Variants in SH3PXD2B observed in about 807,000 individuals in gnomAD.
SH3PXD2B encodes SH3 and PX domains 2B, also known as SH3 and PX domain-containing protein 2B.
Under a neutral mutation model 73.1 loss-of-function variants are expected in SH3PXD2B, and 37 were observed. That is an observed-to-expected ratio of 0.51 (90% CI 0.39 to 0.67). The LOEUF (loss-of-function observed/expected upper bound fraction) is 0.67, where lower values mean the gene tolerates loss of function less well. SH3PXD2B is among the 30% of genes least tolerant of loss of function. The pLI is 0.00. For missense variants in SH3PXD2B, 1,053 were observed against 1,197.8 expected, an observed-to-expected ratio of 0.88 and a Z score of 1.78; for synonymous variants, 457 against 480.5, an observed-to-expected ratio of 0.95 and a Z score of 0.64.
At chr5:172,441,958 C>G (rs1759559723) in intron 1 of SH3PXD2B, among the ~76,000 whole-genome samples, 1 of 152,158 alleles carries the variant, frequency 6.6e-6, no homozygotes, top group African/African-American at 2.4e-5. Context: ...GAGACTAATC[C>G]CTGCCCCTGT....
Position 172,338,614 on chromosome 5 carries a change from T to G in SH3PXD2B, c.2491A>C (p.Lys831Gln). Reference sequence around the variant, plus strand: ...GCTTTCTCCCTGTTTTCTCCAATCTTGCCGGTCCCCCATGGCCCCAGGCTG... The same window carrying G: ...GCTTTCTCCCTGTTTTCTCCAATCTGGCCGGTCCCCCATGGCCCCAGGCTG... ...KGSLGPWGTG[K>Q]IGENREKAAA... The change falls in exon 13 of 13, where the codon AAG (lysine) becomes CAG (glutamine). Residue 831 changes from lysine to glutamine, a missense_variant. Around this residue, in one of 2 missense-constraint regions of SH3PXD2B, gnomAD observed 587 missense variants for 590.7 expected, o/e 0.99. Coordinates refer to ENST00000311601, the MANE Select transcript of SH3PXD2B (RefSeq NM_001017995.3). This position sits in a 1 kb window ranked among gnomAD's most constrained non-coding sequence, Gnocchi z 5.1. 1 of 1,614,154 alleles carries G rather than the reference T, an allele frequency of 6.2e-7. No individual in the cohort carries two copies. The highest frequency in any genetic ancestry group is 1.6e-4 in the Middle Eastern group (1 of 6,062).
At chr5:172,329,405 G>C (rs887384219), downstream of SH3PXD2B, among the ~76,000 whole-genome samples, 2 of 151,678 alleles carry the variant, frequency 1.3e-5, no homozygotes, top group Middle Eastern at 3.4e-3. Flanking sequence ...TTTTTATTGA[G>C]GGGTATGCAA....
chr5:172,376,604 G>A (rs986913308), intron 5 of SH3PXD2B, among the ~76,000 whole-genome samples: 5 of 152,184 alleles, frequency 3.3e-5, no homozygotes, highest in Admixed American at 6.5e-5. Flanking sequence ...TCTGGGAGGC[G>A]CAGCAGAGTC....
intron 1 of SH3PXD2B, among the ~76,000 whole-genome samples, chr5:172,451,032 G>A (rs1759784920): frequency 6.6e-6 from 1 of 152,208 alleles, no homozygotes; most frequent in South Asian, 2.1e-4. Context: ...CTCCAGACCT[G>A]GCCTGTGGCT....
At position 172,412,199 on chromosome 5, in the gene SH3PXD2B, CA is replaced by C. The variant is rs1163509947; in HGVS notation, c.157-5848del. ...TTGTGAGGCTGTGTTTTAAGGTTGGCAAAAAACCCCTCAGGACTGCCCGGGT... is the reference window on the plus strand; with the variant it reads ...TTGTGAGGCTGTGTTTTAAGGTTGGCAAAAACCCCTCAGGACTGCCCGGGT... On this transcript the variant is annotated intron_variant, in intron 2 of 12. Transcript: ENST00000311601. Among the ~76,000 whole-genome samples the C allele has an allele frequency of 3.3e-5, 5 of 152,270 alleles. No homozygotes were observed. The South Asian group carries it at 8.3e-4, about 25-fold the overall frequency.
intron 1 of SH3PXD2B, among the ~76,000 whole-genome samples, chr5:172,430,427 C>A (rs904809357): frequency 6.6e-6 from 1 of 152,228 alleles, no homozygotes; most frequent in Non-Finnish European, 1.5e-5. Context: ...CACAGGTTTC[C>A]CAGCTTCCAG....
intron 2 of SH3PXD2B, among the ~76,000 whole-genome samples, chr5:172,411,977 C>A (rs571247920): frequency 3.3e-5 from 5 of 152,018 alleles, no homozygotes; most frequent in Non-Finnish European, 7.4e-5. Flanking sequence ...CCTCTCCCTC[C>A]CCCTGGGCCC....
rs756550290 is a variant in SH3PXD2B at position 172,344,588 on chromosome 5, C to CAAAA, written c.1188+1544_1188+1547dup. Among the ~76,000 whole-genome samples the CAAAA allele has an allele frequency of 8.2e-3, 207 of 25,224 alleles. 30 individuals carry two copies. The highest frequency in any genetic ancestry group is 0.033 in the African/African-American group (193 of 5,850). The allele number at this position is 25,224 out of a possible 152,430, so 16.5% of individuals were successfully genotyped here. On this transcript the variant is annotated intron_variant, in intron 12 of 12. Transcript: ENST00000311601. ...GGGCAACAGAGGAGCGAGGCTCTGT[C>CAAAA]AAAAAAAAAAAAAAAAAAAAAAAAA...
intron 6 of SH3PXD2B, among the ~76,000 whole-genome samples, chr5:172,372,227 G>A (rs2113350423): frequency 6.6e-6 from 1 of 152,232 alleles, no homozygotes; most frequent in East Asian, 1.9e-4. Flanking sequence ...GAGGTGATTG[G>A]ATCATGGGGG....
rs2113353537 is a variant in SH3PXD2B, at chr5:172,373,738, CT to C, written c.427+51del. On this transcript the variant is annotated intron_variant, in intron 6 of 12. Transcript: ENST00000311601. ...AGCCTGGTGCACAGTTGGTGCTCGG[CT>C]GGAGTTTGCCGAAAACTGAACGAAG... The C allele has an allele frequency of 3.2e-6, 5 of 1,577,132 alleles. No individual in the cohort carries two copies. The South Asian group carries it at 4.6e-5, about 14-fold the overall frequency.
chr5:172,347,256 A>T (rs1204294507), intron 11 of SH3PXD2B, 27 bp downstream of exon 11: 2 of 1,613,474 alleles, frequency 1.2e-6, no homozygotes, highest in South Asian at 2.2e-5. Context: ...GTCAGTGGCC[A>T]CTCCCCAGTA....
chr5:172,354,783 C>CT (rs1441664573), intron 8 of SH3PXD2B, among the ~76,000 whole-genome samples: 2 of 152,228 alleles, frequency 1.3e-5, no homozygotes, highest in South Asian at 4.1e-4. Context: ...GAAGCTTCAA[C>CT]TTTCATTCGT....
chr5:172,332,321 A>G (rs1353954248), downstream of SH3PXD2B, among the ~76,000 whole-genome samples: 10 of 145,436 alleles, frequency 6.9e-5, no homozygotes, highest in African/African-American at 2.6e-4. Context: ...TGGTGCGATC[A>G]CAGCTCACTG....
In SH3PXD2B at chr5:172,406,327, A is replaced by G. The variant is rs747209784; in HGVS notation, c.182T>C (p.Met61Thr). The change falls in exon 3 of 13, where the codon ATG (methionine) becomes ACG (threonine). Residue 61 changes from methionine (M) to threonine (T), a missense_variant. Coordinates refer to ENST00000311601, the MANE Select transcript of SH3PXD2B (RefSeq NM_001017995.3). ...LQMQMLDKFPMEGGQKDPKQR... is the reference protein window; with the variant it reads ...LQMQMLDKFPTEGGQKDPKQR... ...CTTGGGGTCCTTCTGTCCTCCTTCC[A>G]TGGGAAATTTGTCCAACATCTGCAT... The G allele has an allele frequency of 1.9e-6, 3 of 1,613,980 alleles. No individual in the cohort carries two copies. The highest frequency in any genetic ancestry group is 2.2e-5 in the East Asian group (1 of 44,894).
intron 4 of SH3PXD2B, 109 bp downstream of exon 4, chr5:172,394,454 T>G: frequency 8.9e-7 from 1 of 1,123,138 alleles, no homozygotes; most frequent in South Asian, 1.3e-5. Flanking sequence ...TTTCTTTACA[T>G]TCCTTTGAAT....
intron 1 of SH3PXD2B, among the ~76,000 whole-genome samples, chr5:172,449,222 G>C (rs571177987): frequency 1.3e-5 from 2 of 152,274 alleles, no homozygotes; most frequent in South Asian, 2.1e-4. Context: ...TTCTTCAGTC[G>C]GGGCTGAATA....
At chr5:172,367,736 A>G (rs1204344547) in intron 6 of SH3PXD2B, among the ~76,000 whole-genome samples, 1 of 152,172 alleles carries the variant, frequency 6.6e-6, no homozygotes, top group Non-Finnish European at 1.5e-5. Flanking sequence ...AATTGTGCAC[A>G]TGTGCTTGGT....
At chr5:172,350,645 G>A in intron 9 of SH3PXD2B, 56 bp from the exon 10 acceptor site, 1 of 1,515,002 alleles carries the variant, frequency 6.6e-7, no homozygotes, top group Non-Finnish European at 9.0e-7. Flanking sequence ...AAGGGAAGAA[G>A]CCTTGCTCCT....
chr5:172,344,100 A>G (rs1471065619), intron 12 of SH3PXD2B, among the ~76,000 whole-genome samples: 1 of 152,146 alleles, frequency 6.6e-6, no homozygotes, highest in Admixed American at 6.5e-5. Flanking sequence ...TATCATCATC[A>G]TCATCATCAT....
Sources: allele counts gnomAD v4.1 joint callset (sites outside exome capture counted in the v4.1 genomes callset), GRCh38; gene constraint gnomAD v4.1.1; regional missense constraint gnomAD v4.1.1; non-coding constraint Gnocchi (gnomAD v3.1); transcripts MANE v1.5; gene names NCBI Gene and HGNC (gene_info 2026-07-23, HGNC 2026-07-21).